SCAPER: variants seen among roughly 807,000 people sequenced by gnomAD.
SCAPER encodes the protein S-phase cyclin A associated protein in the ER.
SCAPER carries 98 observed loss-of-function variants against 182.2 expected under a neutral mutation model. That is an observed-to-expected ratio of 0.54 (90% confidence interval 0.46 to 0.64). The LOEUF (loss-of-function observed/expected upper bound fraction) is 0.64. SCAPER is among the 30% of genes least tolerant of loss of function. The pLI is 0.00. For synonymous variants in SCAPER, 605 were observed against 564.6 expected, an observed-to-expected ratio of 1.07 and a Z score of -1.01; for missense variants, 1,432 against 1,690.0, an observed-to-expected ratio of 0.85 and a Z score of 2.68.
intron 25 of SCAPER, among the ~76,000 whole-genome samples, chr15:76,440,918 G>GTTTTTTTTTTT (rs1187911987): frequency 3.2e-5 from 2 of 62,678 alleles, no homozygotes; most frequent in Non-Finnish European, 2.9e-5. Flanking sequence ...TTTTTTTTTT[G>GTTTTTTTTTTT]TTTTTTTTTT....
At chr15:76,754,026 T>C (rs2062256794) in intron 14 of SCAPER, 78 bp from the exon 15 acceptor site, 3 of 1,455,154 alleles carry the variant, frequency 2.1e-6, no homozygotes, top group Non-Finnish European at 1.9e-6. Flanking sequence ...GTAAATGGCT[T>C]ATGAAATATA....
chr15:76,769,325 C>G (rs1297885131), intron 10 of SCAPER, among the ~76,000 whole-genome samples: 2 of 151,588 alleles, frequency 1.3e-5, no homozygotes. Flanking sequence ...CGCCTGTAGT[C>G]CCAGCTACTC....
chr15:76,530,533 T>C (rs1267668484), intron 23 of SCAPER, among the ~76,000 whole-genome samples: 1 of 152,198 alleles, frequency 6.6e-6, no homozygotes, highest in Non-Finnish European at 1.5e-5. Context: ...CAAATATCTG[T>C]TCCAGAGGCA....
intron 1 of SCAPER, among the ~76,000 whole-genome samples, chr15:76,904,376 A>C (rs1263754612): frequency 6.6e-6 from 1 of 152,238 alleles, no homozygotes; most frequent in Non-Finnish European, 1.5e-5. Flanking sequence ...TAATTCATAT[A>C]AGGAATTAGT....
intron 20 of SCAPER, among the ~76,000 whole-genome samples, chr15:76,689,855 G>A (rs1410560696): frequency 6.6e-6 from 1 of 151,028 alleles, no homozygotes; most frequent in East Asian, 1.9e-4. Context: ...CTAACTGAAA[G>A]AGCTCCTAAT....
intron 8 of SCAPER, among the ~76,000 whole-genome samples, chr15:76,793,867 T>C (rs1457929913): frequency 6.6e-6 from 1 of 152,082 alleles, no homozygotes; most frequent in Non-Finnish European, 1.5e-5. Context: ...TCTTGTGGGG[T>C]TGAGCCCTCA....
At chr15:76,869,452 G>C (rs548522489) in intron 2 of SCAPER, among the ~76,000 whole-genome samples, 2 of 151,940 alleles carry the variant, frequency 1.3e-5, no homozygotes, top group South Asian at 2.1e-4. Context: ...ATGGGCAAAA[G>C]ATCTAAATAG....
chr15:76,645,309 C>A (rs569790797), intron 21 of SCAPER, among the ~76,000 whole-genome samples: 1 of 152,068 alleles, frequency 6.6e-6, no homozygotes, highest in South Asian at 2.1e-4. Flanking sequence ...CTGATACATT[C>A]GTAAGCATAT....
Position 76,733,146 on chromosome 15 carries a change from G to A in SCAPER, c.2022+83C>T, listed in dbSNP as rs949709449. ...AATCTCCCATCTCCGCACATGGGGA[G>A]AAAAACCCACCGACCCTGCGGGGCT... On this transcript the variant is annotated intron_variant, in intron 16 of 31. Coordinates refer to ENST00000563290, the MANE Select transcript of SCAPER (RefSeq NM_020843.4). 3.0e-6 allele frequency: 4 copies of A among 1,327,784 alleles called. No individual in the cohort carries two copies. The African/African-American group carries it at 4.4e-5, about 15-fold the overall frequency. The allele number at this position is 1,327,784 out of a possible 1,614,324, so 82.3% of individuals were successfully genotyped here.
At chr15:76,397,292 A>G (rs1190178658) in intron 27 of SCAPER, among the ~76,000 whole-genome samples, 1 of 151,676 alleles carries the variant, frequency 6.6e-6, no homozygotes, top group Non-Finnish European at 1.5e-5. Flanking sequence ...TCTTTTTTCC[A>G]TGTTTCTCTG....
intron 20 of SCAPER, among the ~76,000 whole-genome samples, chr15:76,699,321 G>A (rs1356522670): frequency 6.6e-6 from 1 of 152,130 alleles, no homozygotes; most frequent in Non-Finnish European, 1.5e-5. Context: ...TGGCGAGAGT[G>A]GGAATCCTTG....
intron 21 of SCAPER, among the ~76,000 whole-genome samples, chr15:76,660,012 T>A (rs746949785): frequency 6.6e-6 from 1 of 151,576 alleles, no homozygotes; most frequent in Non-Finnish European, 1.5e-5. Flanking sequence ...AATGGGAGAG[T>A]GGACAAAGAA....
chr15:76,511,965 C>T (rs1248756281), intron 23 of SCAPER, among the ~76,000 whole-genome samples: 1 of 151,124 alleles, frequency 6.6e-6, no homozygotes, highest in Non-Finnish European at 1.5e-5. Context: ...TCACTGCAAC[C>T]TCTGCCTCCT....
chr15:76,759,570 A>T (rs147401951), intron 14 of SCAPER, among the ~76,000 whole-genome samples: 98 of 152,306 alleles, frequency 6.4e-4, no homozygotes, highest in African/African-American at 2.2e-3. Context: ...ATTAAACTTC[A>T]TTATGTGTCT....
intron 15 of SCAPER, among the ~76,000 whole-genome samples, chr15:76,743,449 G>A (rs1299469476): frequency 6.6e-6 from 1 of 151,998 alleles, no homozygotes; most frequent in African/African-American, 2.4e-5. Context: ...GTTCTGGCAA[G>A]GTTTCAGGAT....
chr15:76,785,653 T>A (rs1172704554), intron 8 of SCAPER, among the ~76,000 whole-genome samples: 1 of 152,094 alleles, frequency 6.6e-6, no homozygotes, highest in Non-Finnish European at 1.5e-5. Flanking sequence ...ATAGACTGGA[T>A]TAAGAAAATG....
chr15:76,674,355 T>C (rs2057236599), intron 20 of SCAPER, among the ~76,000 whole-genome samples: 1 of 152,308 alleles, frequency 6.6e-6, no homozygotes, highest in Middle Eastern at 3.4e-3. Context: ...TAGGTTCATG[T>C]GTCTATAAGG....
At chr15:76,822,172 G>C (rs1204310835) in intron 5 of SCAPER, among the ~76,000 whole-genome samples, 6 of 152,150 alleles carry the variant, frequency 3.9e-5, no homozygotes, top group African/African-American at 1.4e-4. Context: ...GAATGATAAT[G>C]ATTTGTCAAC....
At chr15:76,423,662 C>G (rs1276065736) in intron 26 of SCAPER, among the ~76,000 whole-genome samples, 1 of 152,120 alleles carries the variant, frequency 6.6e-6, no homozygotes, top group Non-Finnish European at 1.5e-5. Flanking sequence ...CTTCTGCTAG[C>G]TTTTGAATGT....
Sources: allele counts gnomAD v4.1 joint callset (sites outside exome capture counted in the v4.1 genomes callset), GRCh38; gene constraint gnomAD v4.1.1; transcripts MANE v1.5; gene names NCBI Gene and HGNC (gene_info 2026-07-23, HGNC 2026-07-21).